MT1G: variants seen among roughly 807,000 people sequenced by gnomAD.
MT1G encodes the protein metallothionein 1G.
A neutral mutation model predicts 9.1 loss-of-function variants in MT1G; 8 were observed. The ratio of observed to expected loss-of-function variants is 0.87; its 90% CI spans 0.51 to 1.58. MT1G has a LOEUF of 1.58. Among genes scored for constraint, MT1G ranks in the 40% most tolerant of loss-of-function variants. MT1G has a pLI of 0.00. For missense variants in MT1G, 79 were observed against 77.3 expected (o/e 1.02, Z -0.08); for synonymous variants, 31 against 28.4 (o/e 1.09, Z -0.29).
intron 1 of MT1G, 43 bp downstream of exon 1, chr16:56,667,923 G>C (rs1439764504): frequency 1.2e-6 from 2 of 1,611,514 alleles, no homozygotes; most frequent in Admixed American, 1.7e-5. Flanking sequence ...TATGGTGTCT[G>C]GGAATTTGGC....
rs748662957 is a variant in MT1G, at chr16:56,668,043, T to C, written c.-50A>G. 2.5e-6 allele frequency: 4 copies of C among 1,600,174 alleles called. No individual in the cohort carries two copies. The East Asian group carries it at 9.0e-5, about 36-fold the overall frequency. On this transcript the variant is annotated 5_prime_UTR_variant, in exon 1 of 3. Coordinates refer to ENST00000379811, the MANE Select transcript of MT1G (RefSeq NM_001301267.2). ...TCCCAAGCGAGAAGGGAAGAGGCAG[T>C]GGGTGCACGTGGAAGGCGGAGTGGA... is the stretch of plus-strand genomic sequence containing the variant.
At chr16:56,666,996 T>A (rs1373585114) in intron 2 of MT1G, 26 bp from the exon 3 acceptor site, 5 of 1,613,082 alleles carry the variant, frequency 3.1e-6, no homozygotes, top group Non-Finnish European at 4.2e-6. Context: ...GATTGAGAGG[T>A]CAGAGCAGAC....
chr16:56,667,946 A>G lies in MT1G; in HGVS notation c.28+20T>C. ...CTGGGAATTTGGCATCCCAAGGCAC[A>G]GAACCCGGGCGTCCCTTACCAGCGG... is the stretch of plus-strand genomic sequence containing the variant. On this transcript the variant is annotated intron_variant, in intron 1 of 2. Transcript: ENST00000379811. 1 of 1,613,712 alleles carries G rather than the reference A, an allele frequency of 6.2e-7. No homozygotes were observed. The highest frequency in any genetic ancestry group is 8.5e-7 in the Non-Finnish European group (1 of 1,179,742).
chr16:56,667,798 G>A (rs1453746889), intron 1 of MT1G, among the ~76,000 whole-genome samples, 168 bp downstream of exon 1: 1 of 152,214 alleles, frequency 6.6e-6, no homozygotes, highest in Non-Finnish European at 1.5e-5. Flanking sequence ...TAGAGGAACA[G>A]GGAGGAGGAA....
rs865910160 is a variant in MT1G at position 56,667,486 on chromosome 16, C to T, written c.29-106G>A. 3.4e-5 allele frequency: 50 copies of T among 1,484,952 alleles called. No individual in the cohort carries two copies. The African/African-American group carries it at 6.0e-4, about 18-fold the overall frequency. 92.0% of individuals were successfully genotyped at this position (1,484,952 alleles called of 1,614,324 possible). A position where few individuals can be genotyped will look rare whatever the true frequency, so the allele number is the denominator to read the frequency against. Reference sequence around the variant, plus strand: ...CTCTGTGCAGAGCCAGCCCTCAGAGCTCCTTTCCCACTCAGAGCAGAGGAA... The same window carrying T: ...CTCTGTGCAGAGCCAGCCCTCAGAGTTCCTTTCCCACTCAGAGCAGAGGAA... On this transcript the variant is annotated intron_variant, in intron 1 of 2. Coordinates refer to ENST00000379811, the MANE Select transcript of MT1G (RefSeq NM_001301267.2).
chr16:56,667,094 G>A (rs1353414139), intron 2 of MT1G, 124 bp from the exon 3 acceptor site: 6 of 1,571,218 alleles, frequency 3.8e-6, no homozygotes, highest in Admixed American at 1.8e-5. Flanking sequence ...CATGGTTTTT[G>A]TCAGGAGACA....
chr16:56,667,376 AC>A lies in MT1G; in HGVS notation c.32del (p.Gly11ValfsTer96). Reference protein sequence around the residue: MDPNCSCAAAGVSCTCASSCK... With the variant: MDPNCSCAAAXVSCTCASSCK... ...AGGAGCTGGCGCAGGTGCAGGAGAC[AC>A]CTGCTAGAAGAGAAAAAGCCAGTGA... On this transcript the variant is annotated frameshift_variant, in exon 2 of 3. Coordinates refer to ENST00000379811, the MANE Select transcript of MT1G (RefSeq NM_001301267.2). LOFTEE classifies it high-confidence loss of function. 1 of 1,614,214 alleles carries A rather than the reference AC, an allele frequency of 6.2e-7. No homozygotes were observed. Among genetic ancestry groups the A allele is most frequent in the Non-Finnish European group, 8.5e-7 (1 of 1,180,024 alleles).
intron 1 of MT1G, 133 bp from the exon 2 acceptor site, chr16:56,667,513 A>G (rs1351588236): frequency 4.7e-6 from 6 of 1,287,548 alleles, no homozygotes; most frequent in Non-Finnish European, 4.3e-6. Context: ...GCAGAGGAAG[A>G]GAAGCCCCAT....
intron 1 of MT1G, 143 bp downstream of exon 1, chr16:56,667,823 C>G: frequency 1.0e-6 from 1 of 994,362 alleles, no homozygotes; most frequent in Non-Finnish European, 1.6e-6. Flanking sequence ...CCCTCAGGAG[C>G]TTGGCCAACA....
chr16:56,667,304 G>A lies in MT1G; in HGVS notation c.97+8C>T, dbSNP rs776868984. ...GCCCCAGATTCCTGGAGATGGCCCCGCACTCACTCTTCTTGCAGGAGGTGC... is the reference window on the plus strand; with the variant it reads ...GCCCCAGATTCCTGGAGATGGCCCCACACTCACTCTTCTTGCAGGAGGTGC... On this transcript the variant is annotated splice_region_variant and intron_variant, in intron 2 of 2. Coordinates refer to ENST00000379811, the MANE Select transcript of MT1G (RefSeq NM_001301267.2). 61 of 1,614,132 alleles carry A rather than the reference G, an allele frequency of 3.8e-5. No individual in the cohort carries two copies. Among genetic ancestry groups the A allele is most frequent in the South Asian group, 9.9e-5 (9 of 91,096 alleles).
intron 2 of MT1G, 24 bp from the exon 3 acceptor site, chr16:56,666,994 G>A (rs1216386524): frequency 1.9e-6 from 3 of 1,613,472 alleles, no homozygotes; most frequent in Middle Eastern, 1.8e-4. Context: ...GAGATTGAGA[G>A]GTCAGAGCAG....
chr16:56,668,009 G>T lies in MT1G; in HGVS notation c.-16C>A, dbSNP rs763913552. 8 of 1,613,664 alleles carry T rather than the reference G, an allele frequency of 5.0e-6. No individual in the cohort carries two copies. The highest frequency in any genetic ancestry group is 6.8e-6 in the Non-Finnish European group (8 of 1,179,768). ...TGGGGTCCATTGCAACCCGAGGCGAGACTAGAGTTCCCAAGCGAGAAGGGA... is the reference window on the plus strand; with the variant it reads ...TGGGGTCCATTGCAACCCGAGGCGATACTAGAGTTCCCAAGCGAGAAGGGA... On this transcript the variant is annotated 5_prime_UTR_variant, in exon 1 of 3. Transcript: ENST00000379811.
Position 56,666,826 on chromosome 16 carries a change from C to T in MT1G, c.*53G>A. The T allele has an allele frequency of 6.3e-7, 1 of 1,590,334 alleles. No homozygotes were observed. Among genetic ancestry groups the T allele is most frequent in the Admixed American group, 1.9e-5 (1 of 53,846 alleles). On this transcript the variant is annotated 3_prime_UTR_variant, in exon 3 of 3. Transcript: ENST00000379811. ...AAGATTGTAGCAAAAAACAAAAAATCCTGGATTTTACGGGTCACTCTATTT... is the reference window on the plus strand; with the variant it reads ...AAGATTGTAGCAAAAAACAAAAAATTCTGGATTTTACGGGTCACTCTATTT...
chr16:56,667,161 C>T (rs1960792482), intron 2 of MT1G, 151 bp downstream of exon 2: 1 of 1,552,766 alleles, frequency 6.4e-7, no homozygotes. Flanking sequence ...CTCACATAAG[C>T]CCTGGAAAGT....
rs749302560 is a variant in MT1G at position 56,667,282 on chromosome 16, CCA to C, written c.97+28_97+29del. ...TTCCCTCCCAACCTTAGCCACAGCC[CCA>C]GATTCCTGGAGATGGCCCCGCACTC... On this transcript the variant is annotated intron_variant, in intron 2 of 2. Coordinates refer to ENST00000379811, the MANE Select transcript of MT1G (RefSeq NM_001301267.2). 2.5e-6 allele frequency: 4 copies of C among 1,614,246 alleles called. No individual in the cohort carries two copies. In the South Asian group the frequency reaches 4.4e-5, roughly 18 times the overall value.
rs1227802884 is a variant in MT1G at position 56,667,899 on chromosome 16, C to T, written c.28+67G>A. ...ATAGCAAAATACGACCTCCTCAAAC[C>T]CAGGGACACTCTCTATGGTGTCTGG... On this transcript the variant is annotated intron_variant, in intron 1 of 2. Transcript: ENST00000379811. The T allele has an allele frequency of 7.6e-6, 12 of 1,587,996 alleles. No individual in the cohort carries two copies. In the African/African-American group the frequency reaches 1.6e-4, roughly 21 times the overall value.
chr16:56,667,256 G>A, intron 2 of MT1G, 56 bp downstream of exon 2: 3 of 1,614,160 alleles, frequency 1.9e-6, no homozygotes, highest in Non-Finnish European at 1.7e-6. Flanking sequence ...ACAGCCTTGG[G>A]TTCCCTCCCA....
At chr16:56,667,073 G>A in intron 2 of MT1G, 103 bp from the exon 3 acceptor site, 1 of 1,587,576 alleles carries the variant, frequency 6.3e-7, no homozygotes, top group Non-Finnish European at 8.6e-7. Flanking sequence ...AGGACCCTTA[G>A]TTCATGATGG....
chr16:56,667,001 G>A, intron 2 of MT1G, 31 bp from the exon 3 acceptor site: 1 of 1,612,690 alleles, frequency 6.2e-7, no homozygotes, highest in Non-Finnish European at 8.5e-7. Flanking sequence ...AGAGGTCAGA[G>A]CAGACTCGAT....
Sources: gnomAD v4.1 joint callset for allele counts (sites outside exome capture counted in the v4.1 genomes callset) on GRCh38, gnomAD v4.1.1 for gene constraint, MANE v1.5 for transcripts, NCBI Gene and HGNC (gene_info 2026-07-23, HGNC 2026-07-21) for gene names.